The following MACROD2 variants were observed in gnomAD, a reference collection of about 807,000 sequenced individuals.
MACROD2 encodes ADP-ribose glycohydrolase MACROD2.
Under a neutral mutation model 70.4 loss-of-function variants are expected in MACROD2, and 36 were observed. That is an observed-to-expected ratio of 0.51 (90% confidence interval 0.39 to 0.68). MACROD2 has a LOEUF of 0.68. MACROD2 is among the 30% of genes least tolerant of loss of function. The pLI is 0.00. For synonymous variants in MACROD2, 172 were observed against 178.8 expected, an observed-to-expected ratio of 0.96 and a Z score of 0.30; for missense variants, 496 against 538.4, an observed-to-expected ratio of 0.92 and a Z score of 0.78.
intron 10 of MACROD2, among the ~76,000 whole-genome samples, chr20:15,925,754 G>C (rs1003932760): frequency 6.6e-6 from 1 of 152,120 alleles, no homozygotes; most frequent in Non-Finnish European, 1.5e-5. Context: ...TTAAACTGAA[G>C]TCCCCGTTAA....
chr20:14,591,792 A>T (rs1398906146), intron 4 of MACROD2, among the ~76,000 whole-genome samples: 1 of 152,088 alleles, frequency 6.6e-6, no homozygotes, highest in African/African-American at 2.4e-5. Context: ...GTAATAGTCA[A>T]ACAAACCTTT....
chr20:15,081,610 A>G (rs1360563155), intron 5 of MACROD2, among the ~76,000 whole-genome samples: 1 of 152,124 alleles, frequency 6.6e-6, no homozygotes, highest in Non-Finnish European at 1.5e-5. Flanking sequence ...CACTCTCTAT[A>G]TCATATGGGC....
chr20:14,173,547 T>C (rs966545965), intron 3 of MACROD2, among the ~76,000 whole-genome samples: 1 of 152,230 alleles, frequency 6.6e-6, no homozygotes, highest in African/African-American at 2.4e-5. Context: ...TTAAATTTAT[T>C]TGGACTTCAC....
chr20:14,874,214 G>A (rs1337904471), intron 5 of MACROD2, among the ~76,000 whole-genome samples: 1 of 151,810 alleles, frequency 6.6e-6, no homozygotes, highest in Non-Finnish European at 1.5e-5. Context: ...AAAAATAATT[G>A]TACAAAAATC....
intron 6 of MACROD2, among the ~76,000 whole-genome samples, chr20:15,348,631 C>G (rs767187568): frequency 1.6e-4 from 24 of 152,008 alleles, no homozygotes; most frequent in Non-Finnish European, 2.9e-4. Context: ...ACAATCATGG[C>G]GGAAGGCAAA....
In MACROD2 at chr20:15,777,510, T is replaced by C. The variant is rs6135505; in HGVS notation, c.646-85235T>C. Among the ~76,000 whole-genome samples the C allele has an allele frequency of 3.8e-3, 320 of 83,218 alleles. 27 individuals carry two copies. The highest frequency in any genetic ancestry group is 9.0e-3 in the East Asian group (19 of 2,120). 54.6% of individuals were successfully genotyped at this position (83,218 alleles called of 152,430 possible). A position where few individuals can be genotyped will look rare whatever the true frequency, so the allele number is the denominator to read the frequency against. On this transcript the variant is annotated intron_variant, in intron 8 of 17. Coordinates refer to ENST00000684519, the MANE Select transcript of MACROD2 (RefSeq NM_001351661.2). ...ATTCTTTTTTTTCCTTCCTTCCTTCTTTCCTTCCTTCCTTCCTTCCTTCCT... is the reference window on the plus strand; with the variant it reads ...ATTCTTTTTTTTCCTTCCTTCCTTCCTTCCTTCCTTCCTTCCTTCCTTCCT...
chr20:14,784,593 T>C (rs2072341484), intron 5 of MACROD2, among the ~76,000 whole-genome samples: 1 of 148,486 alleles, frequency 6.7e-6, no homozygotes, highest in Non-Finnish European at 1.5e-5. Context: ...ATGTAGTAGA[T>C]ATTTGATAAA....
chr20:15,087,080 A>G (rs2075754475), intron 5 of MACROD2, among the ~76,000 whole-genome samples: 1 of 151,902 alleles, frequency 6.6e-6, no homozygotes, highest in African/African-American at 2.4e-5. Flanking sequence ...CCTATCATCT[A>G]TTTATGTATC....
intron 8 of MACROD2, among the ~76,000 whole-genome samples, chr20:15,768,796 A>G (rs993877362): frequency 6.6e-6 from 1 of 152,090 alleles, no homozygotes; most frequent in Non-Finnish European, 1.5e-5. Flanking sequence ...TTCCATTTTT[A>G]AATTATTAAT....
intron 4 of MACROD2, among the ~76,000 whole-genome samples, chr20:14,515,882 A>T (rs2085092132): frequency 6.6e-6 from 1 of 151,426 alleles, no homozygotes. Flanking sequence ...GAAGTTGGTA[A>T]GGTGATAGAT....
intron 3 of MACROD2, among the ~76,000 whole-genome samples, chr20:14,431,674 G>A (rs1409149415): frequency 6.6e-6 from 1 of 152,052 alleles, no homozygotes; most frequent in African/African-American, 2.4e-5. Flanking sequence ...CAAATGGAAA[G>A]GCATCGAATA....
intron 3 of MACROD2, among the ~76,000 whole-genome samples, chr20:14,461,506 T>C (rs2084370997): frequency 6.6e-6 from 1 of 152,002 alleles, no homozygotes; most frequent in Non-Finnish European, 1.5e-5. Context: ...CTAGGTCTTT[T>C]TTTTTTATTA....
chr20:14,210,103 A>T (rs1163648172), intron 3 of MACROD2, among the ~76,000 whole-genome samples: 1 of 152,224 alleles, frequency 6.6e-6, no homozygotes, highest in Non-Finnish European at 1.5e-5. Context: ...TTATATACAT[A>T]TGTCTTTTGC....
chr20:16,009,529 G>A (rs1342824454), intron 15 of MACROD2, among the ~76,000 whole-genome samples: 1 of 152,118 alleles, frequency 6.6e-6, no homozygotes, highest in Non-Finnish European at 1.5e-5. Flanking sequence ...GGCCGAGGCG[G>A]GCAGATCACC....
chr20:15,098,047 ATAAACT>A (rs1399166394), intron 5 of MACROD2, among the ~76,000 whole-genome samples: 6 of 152,280 alleles, frequency 3.9e-5, no homozygotes, highest in South Asian at 2.1e-4. Context: ...GAGCTGCCAA[ATAAACT>A]TAAACACTGT....
chr20:15,870,898 G>C (rs1011058991), intron 9 of MACROD2, among the ~76,000 whole-genome samples: 8 of 152,092 alleles, frequency 5.3e-5, no homozygotes, highest in Non-Finnish European at 1.5e-5. Flanking sequence ...TCAAAAATTG[G>C]CTGGTCACAG....
intron 5 of MACROD2, among the ~76,000 whole-genome samples, chr20:15,013,670 C>A (rs2075100060): frequency 6.6e-6 from 1 of 152,114 alleles, no homozygotes; most frequent in Admixed American, 6.5e-5. Flanking sequence ...CTGAAACTTC[C>A]CTTGAGGTTG....
Position 14,665,517 on chromosome 20 carries a change from A to G in MACROD2, c.302-19326A>G, listed in dbSNP as rs140589923. 4.3e-3 allele frequency among the ~76,000 whole-genome samples: 651 copies of G among 151,994 alleles called. 4 individuals are homozygous for G. The highest frequency in any genetic ancestry group is 0.015 in the African/African-American group (617 of 41,494). ...TCTTCTTTTTTCTTCACTGTTTCCAATTGGTTGTATTTTTTTTTTCTCTCC... is the reference window on the plus strand; with the variant it reads ...TCTTCTTTTTTCTTCACTGTTTCCAGTTGGTTGTATTTTTTTTTTCTCTCC... On this transcript the variant is annotated intron_variant, in intron 4 of 17. Transcript: ENST00000684519.
intron 6 of MACROD2, among the ~76,000 whole-genome samples, chr20:15,309,704 A>G (rs2077732331): frequency 6.6e-6 from 1 of 152,216 alleles, no homozygotes; most frequent in South Asian, 2.1e-4. Flanking sequence ...CAGACATGAG[A>G]CAAATAAAAT....
Sources: gnomAD v4.1 joint callset for allele counts (sites outside exome capture counted in the v4.1 genomes callset) on GRCh38, gnomAD v4.1.1 for gene constraint, MANE v1.5 for transcripts, NCBI Gene and HGNC (gene_info 2026-07-23, HGNC 2026-07-21) for gene names.